The following ZNF667 variants were observed in gnomAD, a reference collection of about 807,000 sequenced individuals.
The protein encoded by ZNF667 is zinc finger protein 667.
A neutral mutation model predicts 31.8 loss-of-function variants in ZNF667; 13 were observed. That is an observed-to-expected ratio of 0.41 (90% CI 0.27 to 0.65). The LOEUF is 0.65. Ranked by LOEUF, ZNF667 falls within the 30% of genes least tolerant of loss-of-function variation. The pLI is 0.32. For synonymous variants in ZNF667, 228 were observed against 247.1 expected (o/e 0.92, Z 0.73); for missense variants, 642 against 725.6 (o/e 0.88, Z 1.32).
intron 6 of ZNF667, among the ~76,000 whole-genome samples, chr19:56,454,664 C>A (rs1600422215): frequency 1.4e-5 from 1 of 72,362 alleles, no homozygotes; most frequent in East Asian, 2.4e-4. Context: ...TTGCCATATG[C>A]AAAAATCAAA....
chr19:56,461,848 T>C (rs754264796), intron 4 of ZNF667, among the ~76,000 whole-genome samples: 1 of 152,232 alleles, frequency 6.6e-6, no homozygotes, highest in South Asian at 2.1e-4. Context: ...AGCAGGGCTA[T>C]GTGGTGCCTT....
intron 6 of ZNF667, among the ~76,000 whole-genome samples, chr19:56,449,878 T>C (rs1386408543): frequency 2.7e-5 from 4 of 150,832 alleles, no homozygotes; most frequent in East Asian, 2.0e-4. Flanking sequence ...AACAGCAGAA[T>C]TGATCAAGCA....
chr19:56,472,404 C>T (rs931053693), intron 2 of ZNF667: 3 of 152,154 alleles, frequency 2.0e-5, no homozygotes, highest in Admixed American at 1.3e-4. Context: ...TCCTTTTCAA[C>T]TCACAATACA....
At chr19:56,455,750 G>T (rs1166691343) in intron 6 of ZNF667, among the ~76,000 whole-genome samples, 1 of 152,146 alleles carries the variant, frequency 6.6e-6, no homozygotes, top group African/African-American at 2.4e-5. Flanking sequence ...GTACATTTTA[G>T]AACAACTGAG....
At chr19:56,442,995 C>T (rs1017558486) in intron 6 of ZNF667, among the ~76,000 whole-genome samples, 12 of 152,040 alleles carry the variant, frequency 7.9e-5, no homozygotes, top group East Asian at 1.9e-4. Flanking sequence ...ATGCCATATA[C>T]GGCACATTGA....
chr19:56,462,472 A>C (rs2043066087), intron 3 of ZNF667, 43 bp from the exon 4 acceptor site: 1 of 1,314,938 alleles, frequency 7.6e-7, no homozygotes, highest in Non-Finnish European at 1.1e-6. Context: ...CAGAGTCCAC[A>C]GGCCCCTACC....
chr19:56,471,428 G>C (rs954319270), intron 3 of ZNF667, among the ~76,000 whole-genome samples: 2 of 152,202 alleles, frequency 1.3e-5, no homozygotes, highest in Admixed American at 1.3e-4. Context: ...TGAATGGCTT[G>C]GGTGAGCCAG....
At chr19:56,462,646 C>T (rs2043071598) in intron 3 of ZNF667, among the ~76,000 whole-genome samples, 1 of 152,170 alleles carries the variant, frequency 6.6e-6, no homozygotes, top group Non-Finnish European at 1.5e-5. Context: ...ATAGCAGGTT[C>T]TTGGTCATGA....
In ZNF667 at chr19:56,442,093, C is replaced by G; in HGVS notation, c.902G>C (p.Arg301Thr). Residue 301 changes from arginine (R) to threonine (T), a missense_variant, in exon 7 of 7, where the codon AGA (arginine) becomes ACA (threonine). Arg to Thr is a moderately conservative substitution (Grantham distance 71). Coordinates refer to ENST00000504904, the MANE Select transcript of ZNF667 (RefSeq NM_001321356.2). ...AGGGATTTTCTCTCCAGCATGAATT[C>G]TTTTATGTACAACAAAGACTGATTT... ...KKKSVFVVHK[R>T]IHAGEKIPEN... The G allele has an allele frequency of 6.2e-7, 1 of 1,614,070 alleles. No homozygotes were observed. Among genetic ancestry groups the G allele is most frequent in the East Asian group, 2.2e-5 (1 of 44,868 alleles).
rs767487969 is a variant in ZNF667 at position 56,462,372 on chromosome 19, CT to C, written c.-3del. On this transcript the variant is annotated 5_prime_UTR_variant, in exon 4 of 7. Coordinates refer to ENST00000504904, the MANE Select transcript of ZNF667 (RefSeq NM_001321356.2). ...GGATTTCCCCCGTGCAGAAGGCATC[CT>C]TTCCTCCCCCTTTAGGGTCCACACT... 1 of 1,614,214 alleles carries C rather than the reference CT, an allele frequency of 6.2e-7. No homozygotes were observed. Among genetic ancestry groups the C allele is most frequent in the South Asian group, 1.1e-5 (1 of 91,088 alleles).
chr19:56,451,868 C>CAAAAAAAAAAAAAA (rs71184363), intron 6 of ZNF667, among the ~76,000 whole-genome samples: 7 of 80,972 alleles, frequency 8.6e-5, no homozygotes, highest in African/African-American at 2.7e-4. Context: ...GACCCTGTCT[C>CAAAAAAAAAAAAAA]AAAAAAAAAA....
chr19:56,459,244 AT>A (rs1325716985), intron 5 of ZNF667, among the ~76,000 whole-genome samples: 1 of 152,144 alleles, frequency 6.6e-6, no homozygotes, highest in Non-Finnish European at 1.5e-5. Context: ...AAAGCAAACT[AT>A]TTTCCTGAGA....
At chr19:56,469,359 C>G (rs918438822) in intron 3 of ZNF667, among the ~76,000 whole-genome samples, 26 of 152,200 alleles carry the variant, frequency 1.7e-4, no homozygotes, top group African/African-American at 5.5e-4. Context: ...AAACACATCA[C>G]TCTGGGGTCA....
intron 5 of ZNF667, among the ~76,000 whole-genome samples, chr19:56,460,097 A>G (rs1355998823): frequency 6.6e-6 from 1 of 152,216 alleles, no homozygotes; most frequent in Admixed American, 6.5e-5. Flanking sequence ...ATGAAAACAT[A>G]CATCCACACA....
chr19:56,468,515 C>G (rs949920925), intron 3 of ZNF667: 13 of 152,244 alleles, frequency 8.5e-5, no homozygotes, highest in African/African-American at 3.1e-4. Context: ...CACATACTGG[C>G]TGATGTCTCA....
rs1235465342 is a variant in ZNF667, at chr19:56,444,322, C to T, written c.254-1581G>A. On this transcript the variant is annotated intron_variant, in intron 6 of 6. Transcript: ENST00000504904. ...AGACGAAGTAGGAGAAGGCACATCA[C>T]ATGGTGAAACAAGGAGAGAGAGTGT... 6 of 398,056 alleles carry T rather than the reference C, an allele frequency of 1.5e-5. No individual in the cohort carries two copies. In the East Asian group the frequency reaches 2.1e-4, roughly 14 times the overall value. 24.7% of individuals were successfully genotyped at this position (398,056 alleles called of 1,614,324 possible).
rs144695027 is a variant in ZNF667, at chr19:56,462,382, C to T, written c.-12G>A. On this transcript the variant is annotated 5_prime_UTR_variant, in exon 4 of 7. Transcript: ENST00000504904. ...CGTGCAGAAGGCATCCTTTCCTCCC[C>T]CTTTAGGGTCCACACTGAGAGATGG... The T allele has an allele frequency of 1.1e-4, 177 of 1,614,208 alleles. No individual in the cohort carries two copies. Among genetic ancestry groups the T allele is most frequent in the Non-Finnish European group, 1.4e-4 (171 of 1,180,040 alleles).
At chr19:56,470,145 T>C (rs898733734) in intron 3 of ZNF667, 2 of 413,156 alleles carry the variant, frequency 4.8e-6, no homozygotes, top group Non-Finnish European at 4.9e-6. Flanking sequence ...GACAAAGGGC[T>C]GCTGGAGGAT....
chr19:56,458,800 G>C (rs1600432270), intron 5 of ZNF667, among the ~76,000 whole-genome samples: 1 of 152,146 alleles, frequency 6.6e-6, no homozygotes, highest in Non-Finnish European at 1.5e-5. Context: ...TGCATCTCTT[G>C]CATCTGGCTG....
Sources: gnomAD v4.1 joint callset for allele counts (sites outside exome capture counted in the v4.1 genomes callset) on GRCh38, gnomAD v4.1.1 for gene constraint, MANE v1.5 for transcripts, NCBI Gene and HGNC (gene_info 2026-07-23, HGNC 2026-07-21) for gene names.